AGTPBP1: variants seen among roughly 807,000 people sequenced by gnomAD.
AGTPBP1 encodes ATP/GTP binding carboxypeptidase 1.
In AGTPBP1, 70 loss-of-function variants were observed where a neutral mutation model predicts 143.9. The ratio of observed to expected loss-of-function variants is 0.49; its 90% CI spans 0.40 to 0.59. The LOEUF is 0.59. Ranked by LOEUF, AGTPBP1 falls within the 20% of genes least tolerant of loss-of-function variation. AGTPBP1 has a pLI of 0.00. For synonymous variants in AGTPBP1, 463 were observed against 500.2 expected, an observed-to-expected ratio of 0.93 and a Z score of 0.99; for missense variants, 1,229 against 1,464.5, an observed-to-expected ratio of 0.84 and a Z score of 2.62.
chr9:85,617,483 T>C (rs78283992), intron 17 of AGTPBP1, among the ~76,000 whole-genome samples: 3,134 of 152,284 alleles, frequency 0.021, 111 homozygotes, highest in African/African-American at 0.071. Context: ...TACAAGTATG[T>C]CATTTTCCAC....
intron 17 of AGTPBP1, among the ~76,000 whole-genome samples, chr9:85,598,467 C>T (rs991466049): frequency 1.3e-5 from 2 of 152,054 alleles, no homozygotes; most frequent in Non-Finnish European, 2.9e-5. Context: ...TTCTCTATAG[C>T]CTTACTTATT....
chr9:85,673,308 A>C (rs1022488332), intron 6 of AGTPBP1, among the ~76,000 whole-genome samples: 1 of 152,108 alleles, frequency 6.6e-6, no homozygotes, highest in Non-Finnish European at 1.5e-5. Flanking sequence ...GAACTGCTCC[A>C]CTACACATAT....
intron 2 of AGTPBP1, among the ~76,000 whole-genome samples, chr9:85,705,287 A>G (rs2134407476): frequency 6.6e-6 from 1 of 152,230 alleles, no homozygotes; most frequent in East Asian, 1.9e-4. Context: ...TGATTTTTAA[A>G]AGAAAATGGG....
chr9:85,801,617 T>G, the AGTPBP1 span, among the ~76,000 whole-genome samples: 3 of 152,062 alleles, frequency 2.0e-5, no homozygotes, highest in Admixed American at 6.6e-5. Flanking sequence ...TGTGTCTGGT[T>G]TATAATACAG....
At chr9:85,559,621 A>C (rs1204801469) in intron 25 of AGTPBP1, among the ~76,000 whole-genome samples, 1 of 115,556 alleles carries the variant, frequency 8.7e-6, no homozygotes, top group Admixed American at 8.5e-5. Context: ...CTAGGGACTG[A>C]TAAGACCCTG....
chr9:85,709,190 T>C (rs1837209056), intron 2 of AGTPBP1, among the ~76,000 whole-genome samples: 1 of 152,202 alleles, frequency 6.6e-6, no homozygotes, highest in Admixed American at 6.5e-5. Flanking sequence ...TCATTCAATA[T>C]AATTCACCTA....
chr9:85,565,493 T>C (rs1359611759), intron 25 of AGTPBP1, among the ~76,000 whole-genome samples: 3 of 152,150 alleles, frequency 2.0e-5, no homozygotes, highest in African/African-American at 7.2e-5. Context: ...AGTTTCACAT[T>C]ACGACCAGGA....
the AGTPBP1 span, among the ~76,000 whole-genome samples, chr9:85,749,886 T>C: frequency 3.3e-4 from 3 of 9,128 alleles, no homozygotes; most frequent in Non-Finnish European, 4.1e-4. Flanking sequence ...CCTGTATCCC[T>C]TTTTTTTTTT....
chr9:85,738,010 AC>A (rs1331591871), intron 1 of AGTPBP1, among the ~76,000 whole-genome samples: 1 of 152,226 alleles, frequency 6.6e-6, no homozygotes, highest in East Asian at 1.9e-4. Flanking sequence ...AGACAGATTT[AC>A]AAAAAAAGTA....
the AGTPBP1 span, among the ~76,000 whole-genome samples, chr9:85,776,428 G>GA: frequency 6.6e-6 from 1 of 152,134 alleles, no homozygotes; most frequent in Admixed American, 6.5e-5. Context: ...TCTCCTAGTG[G>GA]AGTGACCCAA....
chr9:85,716,972 C>T (rs1837746264), intron 1 of AGTPBP1, among the ~76,000 whole-genome samples: 1 of 152,214 alleles, frequency 6.6e-6, no homozygotes, highest in African/African-American at 2.4e-5. Context: ...CAGGCTCTCA[C>T]TTTAGTGCCT....
At chr9:85,674,695 A>G (rs1395535888) in intron 6 of AGTPBP1, among the ~76,000 whole-genome samples, 1 of 152,194 alleles carries the variant, frequency 6.6e-6, no homozygotes, top group African/African-American at 2.4e-5. Context: ...CTGGAAAATT[A>G]AAGTCACTTC....
chr9:85,778,498 C>T, the AGTPBP1 span, among the ~76,000 whole-genome samples: 2 of 152,188 alleles, frequency 1.3e-5, no homozygotes, highest in Non-Finnish European at 1.5e-5. Context: ...TCATATGGCC[C>T]AAGTGGCAGA....
At chr9:85,799,866 T>TA in the AGTPBP1 span, among the ~76,000 whole-genome samples, 2 of 152,106 alleles carry the variant, frequency 1.3e-5, no homozygotes, top group Non-Finnish European at 2.9e-5. Context: ...GATGAGAGCC[T>TA]CTGTAGGTAC....
At chr9:85,712,474 T>C (rs1314196582) in intron 2 of AGTPBP1, 28 bp downstream of exon 2, 1 of 1,287,048 alleles carries the variant, frequency 7.8e-7, no homozygotes, top group South Asian at 1.5e-5. Context: ...CTGTAACTTA[T>C]GCATACTGAT....
intron 4 of AGTPBP1, among the ~76,000 whole-genome samples, chr9:85,680,832 T>C (rs571965217): frequency 6.6e-6 from 1 of 152,332 alleles, no homozygotes; most frequent in African/African-American, 2.4e-5. Context: ...TTATCATCAA[T>C]ATAATATAGT....
chr9:85,677,938 A>G (rs1834937705), intron 5 of AGTPBP1, among the ~76,000 whole-genome samples: 1 of 152,240 alleles, frequency 6.6e-6, no homozygotes, highest in Admixed American at 6.5e-5. Flanking sequence ...TAGGAGGCAG[A>G]GGTGGCAGTG....
intron 1 of AGTPBP1, among the ~76,000 whole-genome samples, chr9:85,739,083 A>AAAAAAT: frequency 6.6e-6 from 1 of 151,644 alleles, no homozygotes; most frequent in Admixed American, 6.5e-5. Context: ...ACTTGTCTTA[A>AAAAAAT]AAAAATAAAA....
At chr9:85,580,139 A>G (rs1972675) in intron 23 of AGTPBP1, among the ~76,000 whole-genome samples, 11,783 of 151,398 alleles carry the variant, frequency 0.078, 1,073 homozygotes, top group African/African-American at 0.22. Flanking sequence ...TCAGGCGGCT[A>G]AGGAAGGAGA....
Sources: allele counts gnomAD v4.1 joint callset (sites outside exome capture counted in the v4.1 genomes callset), GRCh38; gene constraint gnomAD v4.1.1; transcripts MANE v1.5; gene names NCBI Gene and HGNC (gene_info 2026-07-23, HGNC 2026-07-21).